PBX1: variants seen among roughly 807,000 people sequenced by gnomAD.
PBX1 encodes the protein PBX homeobox 1.
In PBX1, 6 loss-of-function variants were observed where a neutral mutation model predicts 53.4. The ratio of observed to expected loss-of-function variants is 0.11; its 90% CI spans 0.06 to 0.22. The LOEUF is 0.22. Among genes scored for constraint, PBX1 ranks in the 10% least tolerant of loss-of-function variants. PBX1 has a pLI of 1.00. For synonymous variants in PBX1, 204 were observed against 212.3 expected (o/e 0.96, Z 0.34); for missense variants, 251 against 551.4 (o/e 0.46, Z 5.46).
chr1:164,781,298 A>G (rs1277549471), intron 2 of PBX1, among the ~76,000 whole-genome samples: 2 of 152,152 alleles, frequency 1.3e-5, no homozygotes, highest in Non-Finnish European at 2.9e-5. Context: ...CACTAAAGTG[A>G]ACAGAGGTGA....
chr1:164,709,699 T>G (rs1663642893), intron 2 of PBX1, among the ~76,000 whole-genome samples: 1 of 152,110 alleles, frequency 6.6e-6, no homozygotes, highest in Non-Finnish European at 1.5e-5. Flanking sequence ...AAGGCAGGTG[T>G]TGAAAAGCCA....
intron 2 of PBX1, among the ~76,000 whole-genome samples, chr1:164,744,099 C>T (rs1368647332): frequency 6.6e-6 from 1 of 152,098 alleles, no homozygotes; most frequent in South Asian, 2.1e-4. Context: ...AGGAGATACA[C>T]CAGGAGCTAG....
intron 1 of PBX1, among the ~76,000 whole-genome samples, chr1:164,561,382 T>C (rs1009235179): frequency 6.6e-6 from 1 of 152,218 alleles, no homozygotes; most frequent in African/African-American, 2.4e-5. Context: ...TTTACGGGTG[T>C]TTGAAAACTT....
intron 2 of PBX1, among the ~76,000 whole-genome samples, chr1:164,625,554 A>T (rs2101865040): frequency 6.6e-6 from 1 of 152,302 alleles, no homozygotes; most frequent in South Asian, 2.1e-4. Context: ...AAAAATGAGA[A>T]GTAATTTTTG....
chr1:164,660,340 A>G (rs926840992), intron 2 of PBX1, among the ~76,000 whole-genome samples: 3 of 152,122 alleles, frequency 2.0e-5, no homozygotes, highest in African/African-American at 7.2e-5. Context: ...GCTTTGGGGA[A>G]CTTACACTGG....
intron 2 of PBX1, among the ~76,000 whole-genome samples, chr1:164,870,358 T>C (rs932586329): frequency 1.9e-5 from 2 of 103,672 alleles, no homozygotes; most frequent in African/African-American, 7.5e-5. Flanking sequence ...TCTTTCTTTC[T>C]TTCGAGATGA....
intron 2 of PBX1, among the ~76,000 whole-genome samples, chr1:164,690,882 G>C (rs1159548579): frequency 6.6e-6 from 1 of 152,108 alleles, no homozygotes; most frequent in Non-Finnish European, 1.5e-5. Flanking sequence ...GATTCGGAGA[G>C]GCTTGGCTGC....
At chr1:164,747,348 T>C (rs1043215585) in intron 2 of PBX1, among the ~76,000 whole-genome samples, 3 of 151,662 alleles carry the variant, frequency 2.0e-5, no homozygotes, top group African/African-American at 4.9e-5. Flanking sequence ...CACACACACA[T>C]ATGTATGTAT....
chr1:164,833,138 C>CA (rs1194227447), intron 8 of PBX1, among the ~76,000 whole-genome samples: 2 of 149,708 alleles, frequency 1.3e-5, no homozygotes, highest in East Asian at 2.0e-4. Flanking sequence ...TTGGGGTAAG[C>CA]AAAAAAAAGT....
At chr1:164,875,254 G>A (rs1005518257) in intron 2 of PBX1, among the ~76,000 whole-genome samples, 2 of 151,938 alleles carry the variant, frequency 1.3e-5, no homozygotes, top group Admixed American at 6.6e-5. Context: ...TGTCAAACAG[G>A]GATACAGACA....
chr1:164,636,584 A>T (rs144329753), intron 2 of PBX1, among the ~76,000 whole-genome samples: 41 of 152,204 alleles, frequency 2.7e-4, no homozygotes, highest in Middle Eastern at 3.4e-3. Flanking sequence ...ATGAGTACTA[A>T]GGTCACATTG....
intron 2 of PBX1, among the ~76,000 whole-genome samples, chr1:164,884,068 T>A (rs1186058429): frequency 6.6e-6 from 1 of 152,204 alleles, no homozygotes; most frequent in African/African-American, 2.4e-5. Context: ...TAACCAGCTG[T>A]GTAACCTTGA....
intron 2 of PBX1, among the ~76,000 whole-genome samples, chr1:164,772,514 A>G (rs534298821): frequency 6.6e-6 from 1 of 152,354 alleles, no homozygotes; most frequent in South Asian, 2.1e-4. Flanking sequence ...TGGTGCTAAC[A>G]CACTCCAGTG....
chr1:164,653,614 A>AT (rs1425600614), intron 2 of PBX1, among the ~76,000 whole-genome samples: 1 of 152,108 alleles, frequency 6.6e-6, no homozygotes, highest in Non-Finnish European at 1.5e-5. Flanking sequence ...CTACTAAAAA[A>AT]CAAAAATTAG....
At chr1:164,699,393 T>C in intron 2 of PBX1, among the ~76,000 whole-genome samples, 1 of 151,956 alleles carries the variant, frequency 6.6e-6, no homozygotes, top group East Asian at 1.9e-4. Context: ...GGTTCCAGAG[T>C]CTCTGTTGCC....
chr1:164,730,740 G>C (rs2102136070), intron 2 of PBX1, among the ~76,000 whole-genome samples: 1 of 152,230 alleles, frequency 6.6e-6, no homozygotes, highest in Middle Eastern at 3.4e-3. Flanking sequence ...CAAGACCAGA[G>C]CAGAGACAGG....
intron 2 of PBX1, among the ~76,000 whole-genome samples, chr1:164,768,869 T>A (rs565589223): frequency 6.6e-6 from 1 of 152,184 alleles, no homozygotes; most frequent in African/African-American, 2.4e-5. Context: ...GCCTGGGCGA[T>A]ATGGTGAAAT....
chr1:164,761,429 G>A (rs1041810217), intron 2 of PBX1, among the ~76,000 whole-genome samples: 2 of 152,070 alleles, frequency 1.3e-5, no homozygotes, highest in Admixed American at 6.6e-5. Flanking sequence ...ATTAAACATC[G>A]TCTTTCATTG....
At chr1:164,878,294 C>T (rs993179736) in intron 2 of PBX1, among the ~76,000 whole-genome samples, 2 of 152,038 alleles carry the variant, frequency 1.3e-5, no homozygotes, top group Non-Finnish European at 2.9e-5. Flanking sequence ...AGCACAGCCT[C>T]TATTCATGGT....
Sources: allele counts gnomAD v4.1 joint callset (sites outside exome capture counted in the v4.1 genomes callset), GRCh38; gene constraint gnomAD v4.1.1; transcripts MANE v1.5; gene names NCBI Gene and HGNC (gene_info 2026-07-23, HGNC 2026-07-21).